Variants in GALNT13 observed in about 807,000 individuals in gnomAD.
The protein encoded by GALNT13 is polypeptide N-acetylgalactosaminyltransferase 13.
A neutral mutation model predicts 64.2 loss-of-function variants in GALNT13; 28 were observed. That is an observed-to-expected ratio of 0.44 (90% CI 0.32 to 0.60). GALNT13 has a LOEUF of 0.60. Ranked by LOEUF, GALNT13 falls within the 20% of genes least tolerant of loss-of-function variation. GALNT13 has a pLI of 0.05. For missense variants in GALNT13, 577 were observed against 669.8 expected, an observed-to-expected ratio of 0.86 and a Z score of 1.53; for synonymous variants, 214 against 224.6, an observed-to-expected ratio of 0.95 and a Z score of 0.42.
the GALNT13 span, among the ~76,000 whole-genome samples, chr2:153,127,351 T>C: frequency 2.0e-5 from 3 of 152,166 alleles, no homozygotes; most frequent in Non-Finnish European, 4.4e-5. Context: ...TTGCAAGTCA[T>C]GTGGCCTCTC....
the GALNT13 span, among the ~76,000 whole-genome samples, chr2:153,245,626 A>G: frequency 1.3e-5 from 2 of 152,190 alleles, no homozygotes; most frequent in Non-Finnish European, 2.9e-5. Context: ...CCCAACACAC[A>G]CAAACTCCAT....
In GALNT13 at chr2:154,137,113, C is replaced by T. The variant is rs148474054; in HGVS notation, c.143-3224C>T. Among the ~76,000 whole-genome samples, 938 of 151,496 alleles carry T rather than the reference C, an allele frequency of 6.2e-3. 31 individuals carry two copies. Among genetic ancestry groups the T allele is most frequent in the Admixed American group, 0.047 (714 of 15,248 alleles). Reference sequence around the variant, plus strand: ...ACCAGTGATAAGTCACAACACCCAACTGCTTATTCTTTCCCATTTGTTATT... The same window carrying T: ...ACCAGTGATAAGTCACAACACCCAATTGCTTATTCTTTCCCATTTGTTATT... On this transcript the variant is annotated intron_variant, in intron 3 of 12. Transcript: ENST00000392825.
chr2:153,443,162 T>C, the GALNT13 span, among the ~76,000 whole-genome samples: 7 of 152,206 alleles, frequency 4.6e-5, no homozygotes, highest in Non-Finnish European at 7.4e-5. Flanking sequence ...GCTTGAAACC[T>C]AGGGCCCTGG....
intron 9 of GALNT13, among the ~76,000 whole-genome samples, chr2:154,303,529 T>G (rs1693564418): frequency 6.6e-6 from 1 of 152,134 alleles, no homozygotes. Context: ...CAAACTGCTC[T>G]TTGTTAGAAA....
chr2:153,574,625 T>C, the GALNT13 span, among the ~76,000 whole-genome samples: 1 of 152,152 alleles, frequency 6.6e-6, no homozygotes, highest in African/African-American at 2.4e-5. Context: ...TTATTGATGT[T>C]GCCATTAAAA....
In GALNT13 at chr2:153,953,584, A is replaced by G. The variant is rs543306167; in HGVS notation, c.142+8945A>G. 2.0e-5 allele frequency among the ~76,000 whole-genome samples: 3 copies of G among 152,298 alleles called. No individual in the cohort carries two copies. The South Asian group carries it at 6.2e-4, about 32-fold the overall frequency. ...CTGTCATCAGTAAATACCGGTTTGC[A>G]TTGGAATTCAAGTACTGTGTTTTCA... On this transcript the variant is annotated intron_variant, in intron 3 of 12. Coordinates refer to ENST00000392825, the MANE Select transcript of GALNT13 (RefSeq NM_052917.4).
chr2:154,161,504 T>C (rs754858649), intron 4 of GALNT13, among the ~76,000 whole-genome samples: 3 of 152,004 alleles, frequency 2.0e-5, no homozygotes, highest in Non-Finnish European at 4.4e-5. Flanking sequence ...AGACAGATGG[T>C]GTGGACTTCA....
intron 4 of GALNT13, among the ~76,000 whole-genome samples, chr2:154,150,859 G>T (rs938951064): frequency 6.6e-6 from 1 of 151,920 alleles, no homozygotes; most frequent in African/African-American, 2.4e-5. Flanking sequence ...TATCAATTTT[G>T]GTGATCCTTT....
chr2:154,421,136 C>T (rs1016725876), intron 11 of GALNT13, among the ~76,000 whole-genome samples: 4 of 151,638 alleles, frequency 2.6e-5, no homozygotes, highest in Non-Finnish European at 4.4e-5. Context: ...TACTTTATCC[C>T]GGGAAGAGAA....
At chr2:154,025,573 TTAAC>T (rs1190818876) in intron 3 of GALNT13, among the ~76,000 whole-genome samples, 1 of 152,198 alleles carries the variant, frequency 6.6e-6, no homozygotes, top group Non-Finnish European at 1.5e-5. Flanking sequence ...TCCCACTTAA[TTAAC>T]CGTTGTTCTA....
chr2:153,112,399 A>G, the GALNT13 span, among the ~76,000 whole-genome samples: 1 of 152,102 alleles, frequency 6.6e-6, no homozygotes, highest in South Asian at 2.1e-4. Context: ...ATCTAGGTTC[A>G]GTATTAGGCA....
At chr2:154,123,768 G>A (rs192500154) in intron 3 of GALNT13, among the ~76,000 whole-genome samples, 61 of 152,020 alleles carry the variant, frequency 4.0e-4, no homozygotes, top group African/African-American at 1.4e-3. Flanking sequence ...AGGGAATCAG[G>A]CACAAAAGGC....
chr2:153,074,350 C>T, the GALNT13 span, among the ~76,000 whole-genome samples: 1 of 152,114 alleles, frequency 6.6e-6, no homozygotes, highest in African/African-American at 2.4e-5. Flanking sequence ...TAACATTTTT[C>T]AAAGGTGACT....
chr2:153,770,522 C>T, the GALNT13 span, among the ~76,000 whole-genome samples: 2,162 of 152,260 alleles, frequency 0.014, 47 homozygotes, highest in African/African-American at 0.048. Flanking sequence ...TGAAAGATTT[C>T]CTATTGTGTT....
intron 9 of GALNT13, among the ~76,000 whole-genome samples, chr2:154,332,411 C>A (rs748852462): frequency 1.3e-5 from 2 of 151,894 alleles, no homozygotes; most frequent in Middle Eastern, 3.2e-3. Context: ...CTGATTCTGC[C>A]CCTTGCTATC....
chr2:153,736,314 T>A, the GALNT13 span, among the ~76,000 whole-genome samples: 1 of 152,200 alleles, frequency 6.6e-6, no homozygotes, highest in Non-Finnish European at 1.5e-5. Flanking sequence ...TTTTGGCCAA[T>A]GGGAGCCCTT....
At chr2:153,378,504 T>C in the GALNT13 span, among the ~76,000 whole-genome samples, 1 of 152,150 alleles carries the variant, frequency 6.6e-6, no homozygotes, top group Admixed American at 6.6e-5. Flanking sequence ...GGATCAATCA[T>C]GGCCAAGAAG....
chr2:153,131,892 CCA>C, the GALNT13 span, among the ~76,000 whole-genome samples: 2 of 151,896 alleles, frequency 1.3e-5, no homozygotes, highest in Non-Finnish European at 2.9e-5. Flanking sequence ...GATGTTGGCC[CCA>C]CACTCTGAGA....
chr2:153,073,961 T>C, the GALNT13 span, among the ~76,000 whole-genome samples: 1 of 152,164 alleles, frequency 6.6e-6, no homozygotes, highest in African/African-American at 2.4e-5. Flanking sequence ...CATAGTGTCA[T>C]TTACCATATT....
Sources: gnomAD v4.1 joint callset for allele counts (sites outside exome capture counted in the v4.1 genomes callset) on GRCh38, gnomAD v4.1.1 for gene constraint, MANE v1.5 for transcripts, NCBI Gene and HGNC (gene_info 2026-07-23, HGNC 2026-07-21) for gene names.